Variants in AGMO observed in about 807,000 individuals in gnomAD.
AGMO encodes the protein glyceryl-ether monooxygenase.
A neutral mutation model predicts 60.2 loss-of-function variants in AGMO; 75 were observed. The observed-to-expected ratio is 1.25, with a 90% CI of 1.03 to 1.51. AGMO has a LOEUF of 1.51. AGMO is among the 40% of genes most tolerant of loss of function. AGMO has a pLI of 0.00. For missense variants in AGMO, 763 were observed against 525.5 expected, an observed-to-expected ratio of 1.45 and a Z score of -4.42; for synonymous variants, 261 against 177.1, an observed-to-expected ratio of 1.47 and a Z score of -3.76.
the AGMO span, among the ~76,000 whole-genome samples, chr7:15,136,630 TG>T: frequency 6.6e-6 from 1 of 152,176 alleles, no homozygotes; most frequent in South Asian, 2.1e-4. Context: ...GTTTTCTGCA[TG>T]AAGGAAAAAT....
At position 15,539,248 on chromosome 7, in the gene AGMO, T is replaced by C. The variant is rs184347123; in HGVS notation, c.409+5524A>G. 4.5e-3 allele frequency among the ~76,000 whole-genome samples: 687 copies of C among 152,272 alleles called. 4 individuals are homozygous for C. The highest frequency in any genetic ancestry group is 5.8e-3 in the Non-Finnish European group (393 of 68,022). On this transcript the variant is annotated intron_variant, in intron 3 of 12. Transcript: ENST00000342526. ...ACAGATAATTTCATCACCTGGGTAA[T>C]AAGCATAGCACCTGATAGGTATTTT...
intron 4 of AGMO, 83 bp downstream of exon 4, chr7:15,430,918 GTTTT>G: frequency 2.5e-6 from 1 of 394,266 alleles, no homozygotes. Flanking sequence ...CCTTCTATTA[GTTTT>G]TTTTTTTTTT....
chr7:15,120,310 A>T, the AGMO span, among the ~76,000 whole-genome samples: 32 of 152,206 alleles, frequency 2.1e-4, no homozygotes, highest in African/African-American at 7.7e-4. Flanking sequence ...TGATCCTAAG[A>T]TCTCATTTTA....
intron 12 of AGMO, among the ~76,000 whole-genome samples, chr7:15,300,164 T>A (rs892021984): frequency 2.0e-4 from 31 of 151,994 alleles, no homozygotes; most frequent in African/African-American, 7.3e-4. Flanking sequence ...ATAGCTAGGA[T>A]TGGAACAAAG....
chr7:15,530,724 TAG>T (rs1450450373), intron 3 of AGMO, among the ~76,000 whole-genome samples: 1 of 142,088 alleles, frequency 7.0e-6, no homozygotes, highest in African/African-American at 2.6e-5. Flanking sequence ...CATTTCTATA[TAG>T]ATATTCTATA....
chr7:15,403,730 T>C (rs566380170), intron 5 of AGMO, among the ~76,000 whole-genome samples: 1 of 152,090 alleles, frequency 6.6e-6, no homozygotes, highest in Admixed American at 6.6e-5. Flanking sequence ...TGAATGTTTA[T>C]GGATACATTT....
At chr7:15,310,538 T>C (rs374875805) in intron 12 of AGMO, among the ~76,000 whole-genome samples, 2 of 152,136 alleles carry the variant, frequency 1.3e-5, no homozygotes, top group East Asian at 1.9e-4. Flanking sequence ...TCCTATATCA[T>C]GTTATTATAA....
chr7:15,478,105 G>T (rs1026482941), intron 3 of AGMO, among the ~76,000 whole-genome samples: 2 of 152,082 alleles, frequency 1.3e-5, no homozygotes, highest in African/African-American at 4.8e-5. Context: ...AATAAAAGTT[G>T]TTTGTGATTA....
At chr7:15,549,783 C>T (rs1454614101) in intron 2 of AGMO, among the ~76,000 whole-genome samples, 3 of 151,230 alleles carry the variant, frequency 2.0e-5, no homozygotes, top group East Asian at 3.9e-4. Flanking sequence ...ACAAGGATAC[C>T]CAGGAATTGA....
chr7:15,344,596 G>A lies in AGMO; in HGVS notation c.1263+20918C>T, dbSNP rs189551171. ...GCCTGTGGTCCCAGCCACTCAGGAG[G>A]CTAAAGTGTAAGGATTGCTGGAGCT... is the stretch of plus-strand genomic sequence containing the variant. On this transcript the variant is annotated intron_variant, in intron 12 of 12. Coordinates refer to ENST00000342526, the MANE Select transcript of AGMO (RefSeq NM_001004320.2). Among the ~76,000 whole-genome samples the A allele has an allele frequency of 6.6e-5, 10 of 152,226 alleles. No homozygotes were observed. The East Asian group carries it at 1.5e-3, about 24-fold the overall frequency.
chr7:15,379,453 C>G (rs888403549), intron 10 of AGMO, among the ~76,000 whole-genome samples: 10 of 152,050 alleles, frequency 6.6e-5, no homozygotes, highest in Non-Finnish European at 1.5e-5. Flanking sequence ...CACAGAAGTA[C>G]AAACAACAAT....
chr7:15,325,500 A>G (rs988780622), intron 12 of AGMO, among the ~76,000 whole-genome samples: 4 of 152,128 alleles, frequency 2.6e-5, no homozygotes, highest in South Asian at 2.1e-4. Context: ...CACAAAATTT[A>G]CATCCAAGCT....
chr7:15,275,306 T>A (rs776556087), intron 12 of AGMO, among the ~76,000 whole-genome samples: 23 of 152,172 alleles, frequency 1.5e-4, no homozygotes, highest in Non-Finnish European at 1.3e-4. Context: ...TTACCCAAAA[T>A]TCAATCAAGA....
At chr7:15,306,822 A>C (rs1473215970) in intron 12 of AGMO, among the ~76,000 whole-genome samples, 1 of 152,140 alleles carries the variant, frequency 6.6e-6, no homozygotes, top group East Asian at 1.9e-4. Flanking sequence ...CTGTTGGAGA[A>C]ACATAAATTA....
At chr7:15,196,973 A>T (rs1216859914), downstream of AGMO, among the ~76,000 whole-genome samples, 1 of 152,120 alleles carries the variant, frequency 6.6e-6, no homozygotes, top group East Asian at 1.9e-4. Context: ...AAGGAATGTA[A>T]GTTGTTAGGA....
At chr7:15,212,220 A>T (rs958230936) in intron 12 of AGMO, among the ~76,000 whole-genome samples, 1 of 149,358 alleles carries the variant, frequency 6.7e-6, no homozygotes, top group African/African-American at 2.5e-5. Context: ...CTATCCATTC[A>T]CTATTTATTT....
rs527277957 is a variant in AGMO, at chr7:15,244,062, T to G, written c.1264-42703A>C. Among the ~76,000 whole-genome samples the G allele has an allele frequency of 4.1e-4, 62 of 152,272 alleles. 1 individual carries two copies. In the South Asian group the frequency reaches 0.012, roughly 28 times the overall value. The stretch of plus-strand genomic sequence containing the variant: ...CTCTTTTGTCCTTTCCTAAAAGCAT[T>G]TTGTTCAGATCTCCTAGCAAACCCT... On this transcript the variant is annotated intron_variant, in intron 12 of 12. Coordinates refer to ENST00000342526, the MANE Select transcript of AGMO (RefSeq NM_001004320.2).
chr7:15,366,060 A>C, intron 11 of AGMO, 80 bp downstream of exon 11: 1 of 1,018,696 alleles, frequency 9.8e-7, no homozygotes, highest in Non-Finnish European at 1.5e-6. Context: ...TAGTTACATA[A>C]TATACTGGTA....
intron 12 of AGMO, among the ~76,000 whole-genome samples, chr7:15,353,692 A>G (rs1782344679): frequency 2.0e-5 from 3 of 152,232 alleles, no homozygotes; most frequent in Admixed American, 6.5e-5. Flanking sequence ...CTCAAAATAG[A>G]CATAATATTA....
Sources: gnomAD v4.1 joint callset for allele counts (sites outside exome capture counted in the v4.1 genomes callset) on GRCh38, gnomAD v4.1.1 for gene constraint, MANE v1.5 for transcripts, NCBI Gene and HGNC (gene_info 2026-07-23, HGNC 2026-07-21) for gene names.